Variants in WIPI1 observed in about 807,000 individuals in gnomAD.
The protein encoded by WIPI1 is WD repeat domain, phosphoinositide interacting 1.
WIPI1 carries 45 observed loss-of-function variants against 55.3 expected under a neutral mutation model. The observed-to-expected ratio is 0.81, with a 90% CI of 0.64 to 1.04. WIPI1 has a LOEUF of 1.04. WIPI1 is among the 50% of genes least tolerant of loss of function. The pLI, the probability that WIPI1 is intolerant of heterozygous loss-of-function variation, is 0.00. For missense variants in WIPI1, 445 were observed against 559.0 expected (o/e 0.80, Z 2.06); for synonymous variants, 195 against 217.6 (o/e 0.90, Z 0.92).
chr17:68,433,760 G>GTTTTTTTTTTTTTTTTTTTTTTT (rs556777098), intron 7 of WIPI1, among the ~76,000 whole-genome samples, 185 bp from the exon 8 acceptor site: 1 of 72,814 alleles, frequency 1.4e-5, no homozygotes, highest in South Asian at 5.5e-4. Flanking sequence ...AAGGGTCATA[G>GTTTTTTTTTTTTTTTTTTTTTTT]TTTTTTTTTT....
rs1256970392 is a variant in WIPI1 at position 68,423,703 on chromosome 17, T to C, written c.1294-1883A>G. 1.3e-5 allele frequency among the ~76,000 whole-genome samples: 2 copies of C among 152,186 alleles called. No individual in the cohort carries two copies. Among genetic ancestry groups the C allele is most frequent in the Admixed American group, 6.5e-5 (1 of 15,270 alleles). On this transcript the variant is annotated intron_variant, in intron 12 of 12. Coordinates refer to ENST00000262139, the MANE Select transcript of WIPI1 (RefSeq NM_017983.7). This position sits in a 1 kb window ranked among gnomAD's most constrained non-coding sequence, Gnocchi z 4.4. ...CACACAGGCCTCAGGACAAACTTTCTTACTGGTTCTTCAATTAAGCACCTC... is the reference window on the plus strand; with the variant it reads ...CACACAGGCCTCAGGACAAACTTTCCTACTGGTTCTTCAATTAAGCACCTC...
Position 68,423,573 on chromosome 17 carries a change from A to C in WIPI1, c.1294-1753T>G, listed in dbSNP as rs907408212. Reference sequence around the variant, plus strand: ...CACTGGCAGGAAGTATTTCTTGCGTATAAATAAGAATTCCTGATGCAATTT... The same window carrying C: ...CACTGGCAGGAAGTATTTCTTGCGTCTAAATAAGAATTCCTGATGCAATTT... On this transcript the variant is annotated intron_variant, in intron 12 of 12. Transcript: ENST00000262139. The surrounding 1 kb of genome is among the most constrained non-coding windows in gnomAD (Gnocchi z 4.4). Among the ~76,000 whole-genome samples the C allele has an allele frequency of 1.8e-4, 28 of 152,200 alleles. No homozygotes were observed. The highest frequency in any genetic ancestry group is 7.2e-4 in the Admixed American group (11 of 15,284).
At chr17:68,440,160 G>A (rs1360225773) in intron 4 of WIPI1, among the ~76,000 whole-genome samples, 2 of 152,084 alleles carry the variant, frequency 1.3e-5, no homozygotes, top group African/African-American at 2.4e-5. Flanking sequence ...CTCCAGGCTC[G>A]CACCTCTACC....
intron 1 of WIPI1, among the ~76,000 whole-genome samples, chr17:68,453,942 GTA>G (rs1213472915): frequency 2.0e-5 from 3 of 152,136 alleles, no homozygotes; most frequent in African/African-American, 7.2e-5. Context: ...TGAAGTTCAA[GTA>G]TTCTAATGAG....
chr17:68,435,927 C>A (rs1824301361), intron 5 of WIPI1, among the ~76,000 whole-genome samples: 1 of 152,240 alleles, frequency 6.6e-6, no homozygotes, highest in African/African-American at 2.4e-5. Flanking sequence ...CCTTTTCCTG[C>A]CCTTGGGAAG....
intron 7 of WIPI1, among the ~76,000 whole-genome samples, 182 bp downstream of exon 7, chr17:68,434,374 G>T (rs562675517): frequency 3.9e-5 from 6 of 152,270 alleles, no homozygotes; most frequent in African/African-American, 1.4e-4. Context: ...CAGCATCTCG[G>T]CTTTCAGTTT....
Position 68,435,718 on chromosome 17 carries a change from G to A in WIPI1, c.529-6C>T. ...GCAATAGTGCAGACTGTTTTCTGTT[G>A]GTGAAAAGGAAAAATGGATACAGAT... On this transcript the variant is annotated splice_region_variant and splice_polypyrimidine_tract_variant and intron_variant, in intron 5 of 12. Coordinates refer to ENST00000262139, the MANE Select transcript of WIPI1 (RefSeq NM_017983.7). 6.2e-7 allele frequency: 1 copy of A among 1,613,992 alleles called. No homozygotes were observed. The highest frequency in any genetic ancestry group is 8.5e-7 in the Non-Finnish European group (1 of 1,179,872).
At chr17:68,447,487 T>C (rs778380809) in intron 3 of WIPI1, among the ~76,000 whole-genome samples, 4 of 152,126 alleles carry the variant, frequency 2.6e-5, no homozygotes, top group Non-Finnish European at 5.9e-5. Context: ...GCTTAAACGA[T>C]CCTCCTGCCT....
At chr17:68,426,988 A>AC in intron 11 of WIPI1, 147 bp downstream of exon 11, 1 of 669,396 alleles carries the variant, frequency 1.5e-6, no homozygotes, top group Non-Finnish European at 2.6e-6. Flanking sequence ...AGAGCACTCC[A>AC]CCCCCAGGTA....
At chr17:68,437,006 A>ATGTGTGTG (rs1491337909) in intron 4 of WIPI1, among the ~76,000 whole-genome samples, 3 of 68,784 alleles carry the variant, frequency 4.4e-5, no homozygotes, top group African/African-American at 1.6e-4. Context: ...AAAAAAAAAA[A>ATGTGTGTG]TATATATATA....
At chr17:68,448,847 C>T (rs2084386230) in intron 3 of WIPI1, among the ~76,000 whole-genome samples, 1 of 152,196 alleles carries the variant, frequency 6.6e-6, no homozygotes, top group African/African-American at 2.4e-5. Context: ...CATCTAAAAG[C>T]CTTCAATCAG....
chr17:68,428,817 C>T lies in WIPI1; in HGVS notation c.1073+12G>A, dbSNP rs377080055. On this transcript the variant is annotated intron_variant, in intron 10 of 12. Coordinates refer to ENST00000262139, the MANE Select transcript of WIPI1 (RefSeq NM_017983.7). ...TCTCGAAAGGCTGTCTTTTGAAAAGCAGTCTCTTCACCTGTGGGTTTTGAT... is the reference window on the plus strand; with the variant it reads ...TCTCGAAAGGCTGTCTTTTGAAAAGTAGTCTCTTCACCTGTGGGTTTTGAT... 3.8e-6 allele frequency: 6 copies of T among 1,598,332 alleles called. No individual in the cohort carries two copies. The African/African-American group carries it at 5.4e-5, about 14-fold the overall frequency.
At chr17:68,428,638 T>A in intron 10 of WIPI1, 191 bp downstream of exon 10, 1 of 553,424 alleles carries the variant, frequency 1.8e-6, no homozygotes, top group Non-Finnish European at 3.3e-6. Flanking sequence ...CTTTTCCAGA[T>A]GATTACCACA....
chr17:68,451,301 G>C (rs1345110790), intron 2 of WIPI1, among the ~76,000 whole-genome samples: 2 of 152,096 alleles, frequency 1.3e-5, no homozygotes, highest in South Asian at 2.1e-4. Flanking sequence ...AGGTATGGTG[G>C]TGCACACCTG....
chr17:68,438,008 T>A (rs982046730), intron 4 of WIPI1, among the ~76,000 whole-genome samples: 1 of 145,938 alleles, frequency 6.9e-6, no homozygotes, highest in African/African-American at 2.5e-5. Context: ...GTATATTAAG[T>A]GGGTTTCTTC....
chr17:68,433,592 A>G lies in WIPI1; in HGVS notation c.693-17T>C. ...GTCACATACCTACAAGCACAGCAAC[A>G]CATGGGTCAGTGAGCAAGAGAAATG... On this transcript the variant is annotated splice_polypyrimidine_tract_variant and intron_variant, in intron 7 of 12. Transcript: ENST00000262139. 6.2e-7 allele frequency: 1 copy of G among 1,606,570 alleles called. No homozygotes were observed. The highest frequency in any genetic ancestry group is 8.5e-7 in the Non-Finnish European group (1 of 1,173,478).
chr17:68,457,325 G>A lies in WIPI1; in HGVS notation c.80+17C>T, dbSNP rs1448111005. Reference sequence around the variant, plus strand: ...TCTGTCCCCCACCTCCCTGGCAGGGGCCGAGTCGCAGCTTACGTGCAGTCC... The same window carrying A: ...TCTGTCCCCCACCTCCCTGGCAGGGACCGAGTCGCAGCTTACGTGCAGTCC... On this transcript the variant is annotated intron_variant, in intron 1 of 12. Coordinates refer to ENST00000262139, the MANE Select transcript of WIPI1 (RefSeq NM_017983.7). 32 of 1,541,918 alleles carry A rather than the reference G, an allele frequency of 2.1e-5. No homozygotes were observed. The highest frequency in any genetic ancestry group is 2.8e-5 in the Non-Finnish European group (32 of 1,142,948).
rs142463405 is a variant in WIPI1 at position 68,426,917 on chromosome 17, G to C, written c.1192+218C>G. Among the ~76,000 whole-genome samples the C allele has an allele frequency of 1.1e-3, 166 of 152,298 alleles. 1 individual carries two copies. The highest frequency in any genetic ancestry group is 3.8e-3 in the African/African-American group (160 of 41,564). On this transcript the variant is annotated intron_variant, in intron 11 of 12. Coordinates refer to ENST00000262139, the MANE Select transcript of WIPI1 (RefSeq NM_017983.7). ...ATCGTGTGATGCCTTGCCAGGTTGA[G>C]GGTCCCAGGTTTAAAGGCTATTACC...
intron 4 of WIPI1, among the ~76,000 whole-genome samples, chr17:68,439,430 T>C (rs2083980075): frequency 6.6e-6 from 1 of 151,972 alleles, no homozygotes; most frequent in South Asian, 2.1e-4. Context: ...AATAGAGAAA[T>C]CCATAATCTA....
Sources: allele counts gnomAD v4.1 joint callset (sites outside exome capture counted in the v4.1 genomes callset), GRCh38; gene constraint gnomAD v4.1.1; non-coding constraint Gnocchi (gnomAD v3.1); transcripts MANE v1.5; gene names NCBI Gene and HGNC (gene_info 2026-07-23, HGNC 2026-07-21).